The following TASOR2 variants were observed in gnomAD, a reference collection of about 807,000 sequenced individuals.
The protein encoded by TASOR2 is protein TASOR 2.
Under a neutral mutation model 199.5 loss-of-function variants are expected in TASOR2, and 84 were observed. The observed-to-expected ratio is 0.42, with a 90% CI of 0.35 to 0.50. The LOEUF (loss-of-function observed/expected upper bound fraction) is 0.50, where lower values mean the gene tolerates loss of function less well. TASOR2 is among the 20% of genes least tolerant of loss of function. The probability of loss-of-function intolerance (pLI) is 0.02; values close to 1 mark genes in which losing one functional copy is unlikely to be tolerated. For missense variants in TASOR2, 2,796 were observed against 2,835.9 expected, an observed-to-expected ratio of 0.99 and a Z score of 0.32; for synonymous variants, 1,103 against 1,046.6, an observed-to-expected ratio of 1.05 and a Z score of -1.04.
exon 15 of TASOR2, chr10:5,749,542 G>T (rs919858224): frequency 6.2e-7 from 1 of 1,613,990 alleles, no homozygotes; most frequent in Non-Finnish European, 8.5e-7. Context: ...CCCCCTTCTG[G>T]TAACAGTTGT....
Position 5,719,595 on chromosome 10 carries a change from G to A in TASOR2, c.-99-949G>A, listed in dbSNP as rs1455686241. The stretch of plus-strand genomic sequence containing the variant: ...CTTGATCTCATGATCTGCCCGCCTC[G>A]GCCTCCCAAAGTGCTGGGTTACAGT... On this transcript the variant is annotated intron_variant, in intron 3 of 20. Coordinates refer to ENST00000328090, the Ensembl canonical transcript of TASOR2. This position sits in a 1 kb window ranked among gnomAD's most constrained non-coding sequence, Gnocchi z 4.1. Among the ~76,000 whole-genome samples the A allele has an allele frequency of 1.3e-5, 2 of 152,012 alleles. No homozygotes were observed. Among genetic ancestry groups the A allele is most frequent in the African/African-American group, 2.4e-5 (1 of 41,404 alleles).
chr10:5,752,932 G>A lies in TASOR2; in HGVS notation c.6606+2905G>A, dbSNP rs575504980. 2.0e-5 allele frequency among the ~76,000 whole-genome samples: 3 copies of A among 152,346 alleles called. No homozygotes were observed. The South Asian group carries it at 6.2e-4, about 32-fold the overall frequency. On this transcript the variant is annotated intron_variant, in intron 15 of 20. Coordinates refer to ENST00000328090, the Ensembl canonical transcript of TASOR2. The surrounding 1 kb of genome is among the most constrained non-coding windows in gnomAD (Gnocchi z 4.4). ...AGACTTCATCCTGAGGTCGCTGGGA[G>A]CCACTGGAAAGGTTCTGTTAGGTTT...
chr10:5,723,213 A>G (rs1833615536), intron 6 of TASOR2, among the ~76,000 whole-genome samples: 1 of 151,012 alleles, frequency 6.6e-6, no homozygotes. Flanking sequence ...CCACCACCAC[A>G]TCCGGCTAAT....
At position 5,740,571 on chromosome 10, in the gene TASOR2, T is replaced by G; in HGVS notation, c.2327+74T>G. On this transcript the variant is annotated intron_variant, in intron 13 of 20. Transcript: ENST00000328090. The surrounding 1 kb of genome is among the most constrained non-coding windows in gnomAD (Gnocchi z 5.3). ...GATGAATGTAGTGAGATGGGGAAAC[T>G]TATGCCAAACTCTGGAGAAGGAGAA... 6.8e-7 allele frequency: 1 copy of G among 1,469,670 alleles called. No individual in the cohort carries two copies. The highest frequency in any genetic ancestry group is 9.2e-7 in the Non-Finnish European group (1 of 1,088,110). The allele number at this position is 1,469,670 out of a possible 1,614,324, so 91.0% of individuals were successfully genotyped here.
chr10:5,714,324 C>T (rs1009939596), intron 2 of TASOR2, 117 bp downstream of exon 3: 25 of 522,806 alleles, frequency 4.8e-5, no homozygotes, highest in Non-Finnish European at 7.0e-5. Flanking sequence ...AAATGTCAAA[C>T]AGTTCATAAT....
chr10:5,762,988 ATTATT>A, intron 20 of TASOR2, 36 bp from the exon 22 acceptor site: 2 of 1,596,838 alleles, frequency 1.3e-6, no homozygotes, highest in African/African-American at 2.7e-5. Context: ...TCTTGTTCGT[ATTATT>A]TTAAGAAGTT....
chr10:5,725,433 ATACT>A (rs1485010729), intron 8 of TASOR2, among the ~76,000 whole-genome samples: 3 of 142,252 alleles, frequency 2.1e-5, no homozygotes, highest in Non-Finnish European at 4.5e-5. Flanking sequence ...ATTGATTCAC[ATACT>A]GGGCAGGAGG....
chr10:5,708,438 A>G (rs1831414982), intron 1 of TASOR2, among the ~76,000 whole-genome samples: 1 of 152,126 alleles, frequency 6.6e-6, no homozygotes, highest in Non-Finnish European at 1.5e-5. Context: ...CCACTATATC[A>G]TGTTTTAGAT....
intron 12 of TASOR2, among the ~76,000 whole-genome samples, chr10:5,739,184 T>A (rs1836025292): frequency 6.6e-6 from 1 of 152,220 alleles, no homozygotes; most frequent in Non-Finnish European, 1.5e-5. Flanking sequence ...CACTTGAAAC[T>A]TCTACATTCC....
intron 8 of TASOR2, among the ~76,000 whole-genome samples, chr10:5,726,538 A>G (rs1397236511): frequency 6.6e-6 from 1 of 152,258 alleles, no homozygotes; most frequent in African/African-American, 2.4e-5. Context: ...TCGTGAGTTT[A>G]TAATGACTAC....
chr10:5,717,090 G>GT (rs1832761655), intron 2 of TASOR2, among the ~76,000 whole-genome samples: 1 of 149,178 alleles, frequency 6.7e-6, no homozygotes, highest in Non-Finnish European at 1.5e-5. Flanking sequence ...CATTGCTGAT[G>GT]TTTGAGAGGC....
At chr10:5,749,452 A>C (rs574346449) in exon 15 of TASOR2, 5 of 1,613,966 alleles carry the variant, frequency 3.1e-6, no homozygotes, top group Non-Finnish European at 4.2e-6. Flanking sequence ...GGAGTCACCA[A>C]CCCAGATCTC....
chr10:5,698,140 G>A lies in TASOR2; in HGVS notation c.-288+12965G>A, dbSNP rs1421910748. 6.6e-6 allele frequency among the ~76,000 whole-genome samples: 1 copy of A among 152,188 alleles called. No individual in the cohort carries two copies. Among genetic ancestry groups the A allele is most frequent in the Non-Finnish European group, 1.5e-5 (1 of 68,034 alleles). On this transcript the variant is annotated intron_variant, in intron 1 of 20. Coordinates refer to ENST00000328090, the Ensembl canonical transcript of TASOR2. The surrounding 1 kb of genome is among the most constrained non-coding windows in gnomAD (Gnocchi z 4.4). ...ACTCCTTGACTTTGTGTTTGGCTAT[G>A]TGACTTGCTAAGGTAAAAGTGATAA...
rs1049336215 is a variant in TASOR2, at chr10:5,730,552, A to C, written c.553A>C (p.Asn185His). Residue 185 changes from asparagine (N) to histidine (H), a missense_variant, in exon 11 of 21, where the codon AAT becomes CAT. Coordinates refer to ENST00000328090, the Ensembl canonical transcript of TASOR2. The surrounding 1 kb of genome is among the most constrained non-coding windows in gnomAD (Gnocchi z 4.1). ...GGTGATACCTATTTTATCTACCCTTAATTGTGCCCTGCTAGAAACAAAGAA... is the reference window on the plus strand; with the variant it reads ...GGTGATACCTATTTTATCTACCCTTCATTGTGCCCTGCTAGAAACAAAGAA... 2 of 1,613,930 alleles carry C rather than the reference A, an allele frequency of 1.2e-6. No individual in the cohort carries two copies. The highest frequency in any genetic ancestry group is 3.3e-5 in the Admixed American group (2 of 59,946).
rs1489518552 is a variant in TASOR2, at chr10:5,698,059, G to A, written c.-288+12884G>A. On this transcript the variant is annotated intron_variant, in intron 1 of 20. Coordinates refer to ENST00000328090, the Ensembl canonical transcript of TASOR2. This position sits in a 1 kb window ranked among gnomAD's most constrained non-coding sequence, Gnocchi z 4.4. ...ACCCTAGTGCTTTACTTTTCCTTAT[G>A]TTCACTCCATGACCCTATGCAGTTC... 1.3e-5 allele frequency among the ~76,000 whole-genome samples: 2 copies of A among 152,112 alleles called. No homozygotes were observed. Among genetic ancestry groups the A allele is most frequent in the Non-Finnish European group, 2.9e-5 (2 of 68,004 alleles).
chr10:5,756,526 T>C (rs2131649540), intron 15 of TASOR2, 87 bp from the exon 17 acceptor site: 1 of 1,400,944 alleles, frequency 7.1e-7, no homozygotes, highest in South Asian at 1.3e-5. Context: ...TATTAGACTA[T>C]ACTGCTTTTC....
intron 1 of TASOR2, among the ~76,000 whole-genome samples, chr10:5,697,833 A>G (rs1435069465): frequency 1.3e-5 from 2 of 152,184 alleles, no homozygotes; most frequent in South Asian, 2.1e-4. Flanking sequence ...CAAAAATAGT[A>G]TGTACAGCAT....
In TASOR2 at chr10:5,710,946, G is replaced by A. The variant is rs1831830128; in HGVS notation, c.-287-1877G>A. On this transcript the variant is annotated intron_variant, in intron 1 of 20. Coordinates refer to ENST00000328090, the Ensembl canonical transcript of TASOR2. The surrounding 1 kb of genome is among the most constrained non-coding windows in gnomAD (Gnocchi z 4.6). ...GCTCAGGTTTGCCAGTTTGTTTTGA[G>A]TAATGCAGCTAATAAAGCTTTAATT... Among the ~76,000 whole-genome samples, 2 of 152,056 alleles carry A rather than the reference G, an allele frequency of 1.3e-5. No homozygotes were observed. Among genetic ancestry groups the A allele is most frequent in the South Asian group, 4.1e-4 (2 of 4,830 alleles).
rs1389444264 is a variant in TASOR2, at chr10:5,690,790, GC to G, written c.-288+5616del. On this transcript the variant is annotated intron_variant, in intron 1 of 20. Transcript: ENST00000328090. This position sits in a 1 kb window ranked among gnomAD's most constrained non-coding sequence, Gnocchi z 4.8. ...AGGCAAAAGATGGTTTAATGCCAAA[GC>G]ACAAACTCATAAACCCAGTTGATGA... Among the ~76,000 whole-genome samples, 6 of 152,132 alleles carry G rather than the reference GC, an allele frequency of 3.9e-5. No individual in the cohort carries two copies. The highest frequency in any genetic ancestry group is 8.8e-5 in the Non-Finnish European group (6 of 68,028).
Sources: allele counts gnomAD v4.1 joint callset (sites outside exome capture counted in the v4.1 genomes callset), GRCh38; gene constraint gnomAD v4.1.1; non-coding constraint Gnocchi (gnomAD v3.1); transcripts MANE v1.5; gene names NCBI Gene and HGNC (gene_info 2026-07-23, HGNC 2026-07-21).